GADL1: variants seen among roughly 807,000 people sequenced by gnomAD.
GADL1 encodes acidic amino acid decarboxylase GADL1.
A neutral mutation model predicts 69.5 loss-of-function variants in GADL1; 71 were observed. That is an observed-to-expected ratio of 1.02 (90% CI 0.84 to 1.25). The LOEUF (loss-of-function observed/expected upper bound fraction) is 1.25. Ranked by LOEUF, GADL1 falls within the 50% of genes most tolerant of loss-of-function variation. The pLI, the probability that GADL1 is intolerant of heterozygous loss-of-function variation, is 0.00. For synonymous variants in GADL1, 254 were observed against 214.4 expected (o/e 1.18, Z -1.62); for missense variants, 737 against 631.8 (o/e 1.17, Z -1.79).
chr3:30,748,650 T>C (rs1053436019), intron 14 of GADL1, among the ~76,000 whole-genome samples: 1 of 152,224 alleles, frequency 6.6e-6, no homozygotes, highest in Non-Finnish European at 1.5e-5. Context: ...TGGAACTCAA[T>C]AGCTTTTATC....
intron 12 of GADL1, among the ~76,000 whole-genome samples, chr3:30,792,554 G>A (rs979606680): frequency 5.3e-5 from 8 of 152,144 alleles, no homozygotes; most frequent in African/African-American, 1.9e-4. Flanking sequence ...TCTAGCCTAG[G>A]TGACAGAGCA....
rs867247230 is a variant in GADL1 at position 30,801,009 on chromosome 3, G to A, written c.1130C>T (p.Thr377Ile). The change falls in exon 12 of 15, where the codon ACA (threonine) becomes ATA (isoleucine). Residue 377 changes from threonine (T) to isoleucine (I), a missense_variant. Thr to Ile is a moderately conservative substitution (Grantham distance 89). Transcript: ENST00000282538. ...GCTACACTGGATAGACTTGTCTCCT[G>A]TGTCATAGCTCACATCATAGAATTT... The part of the protein sequence containing the change: ...QDKFYDVSYD[T>I]GDKSIQCSRR... 4.3e-6 allele frequency: 7 copies of A among 1,613,864 alleles called. No individual in the cohort carries two copies. In the Middle Eastern group the frequency reaches 4.9e-4, roughly 114 times the overall value.
intron 1 of GADL1, among the ~76,000 whole-genome samples, chr3:30,892,919 G>A (rs538223801): frequency 2.6e-5 from 4 of 152,226 alleles, no homozygotes; most frequent in Non-Finnish European, 5.9e-5. Flanking sequence ...ACAGTGGCGC[G>A]AATCTTGGCT....
At position 30,767,736 on chromosome 3, in the gene GADL1, TAAA is replaced by T. The variant is rs545258313; in HGVS notation, c.1392+10440_1392+10442del. On this transcript the variant is annotated intron_variant, in intron 14 of 14. Transcript: ENST00000282538. ...GAAAAGATTGACAGATTTGAATACA[TAAA>T]AAATTTAAAACTTGCTGTTTTTTCA... Among the ~76,000 whole-genome samples, 317 of 152,202 alleles carry T rather than the reference TAAA, an allele frequency of 2.1e-3. 1 individual carries two copies. Among genetic ancestry groups the T allele is most frequent in the Admixed American group, 0.013 (201 of 15,292 alleles).
intron 11 of GADL1, among the ~76,000 whole-genome samples, chr3:30,823,490 C>A (rs1384993718): frequency 6.6e-6 from 1 of 151,958 alleles, no homozygotes; most frequent in African/African-American, 2.4e-5. Flanking sequence ...AGCATTGGTC[C>A]TGAACTGCTA....
intron 14 of GADL1, among the ~76,000 whole-genome samples, chr3:30,763,589 C>T (rs1227282224): frequency 1.3e-5 from 2 of 151,840 alleles, no homozygotes; most frequent in East Asian, 3.9e-4. Context: ...GCCAAATCTA[C>T]CTTAAATATG....
intron 2 of GADL1, among the ~76,000 whole-genome samples, chr3:30,857,659 G>A (rs1426413552): frequency 1.3e-5 from 2 of 151,862 alleles, no homozygotes; most frequent in African/African-American, 4.8e-5. Flanking sequence ...CTAAACTTAA[G>A]CCATGGCCAT....
intron 2 of GADL1, among the ~76,000 whole-genome samples, chr3:30,857,484 C>T (rs921887226): frequency 7.9e-5 from 12 of 151,880 alleles, no homozygotes; most frequent in South Asian, 2.1e-4. Flanking sequence ...ATAAAAAATT[C>T]GGATCCTATG....
intron 11 of GADL1, among the ~76,000 whole-genome samples, chr3:30,812,512 T>C (rs548270411): frequency 6.6e-6 from 1 of 152,250 alleles, no homozygotes; most frequent in African/African-American, 2.4e-5. Flanking sequence ...TAAGACCTAC[T>C]CCCTATTATA....
intron 11 of GADL1, among the ~76,000 whole-genome samples, chr3:30,803,238 AAT>A (rs1360180580): frequency 6.6e-6 from 1 of 152,190 alleles, no homozygotes. Flanking sequence ...TTTTATCATC[AAT>A]ATCTCTCCTC....
chr3:30,881,890 T>G (rs140228498), intron 1 of GADL1, among the ~76,000 whole-genome samples: 1 of 151,750 alleles, frequency 6.6e-6, no homozygotes, highest in Non-Finnish European at 1.5e-5. Flanking sequence ...AAGGCAAGAG[T>G]GTAGCCTCCT....
intron 1 of GADL1, among the ~76,000 whole-genome samples, chr3:30,880,011 C>A (rs1244543627): frequency 1.4e-5 from 2 of 144,662 alleles, no homozygotes; most frequent in East Asian, 4.6e-4. Flanking sequence ...CACAGCCAGA[C>A]ACTGCTGGCA....
At chr3:30,777,306 T>C (rs1263954506) in intron 14 of GADL1, among the ~76,000 whole-genome samples, 3 of 152,098 alleles carry the variant, frequency 2.0e-5, no homozygotes, top group African/African-American at 7.2e-5. Flanking sequence ...AAGTCAGAGC[T>C]TTTACTAACC....
intron 12 of GADL1, among the ~76,000 whole-genome samples, chr3:30,790,657 ATATCT>A (rs1337623915): frequency 1.4e-4 from 21 of 152,314 alleles, no homozygotes; most frequent in African/African-American, 4.8e-4. Context: ...AGTAATACTC[ATATCT>A]TATCAAGCAA....
Position 30,857,063 on chromosome 3 carries a change from T to C in GADL1, c.289A>G (p.Lys97Glu). ...EMRDSGEPPHKLLELCRDVIH... is the reference protein window; with the variant it reads ...EMRDSGEPPHELLELCRDVIH... ...ACATCCCGACAGAGTTCCAATAGTT[T>C]ATGGGGTGGCTCGCCTGAGTCTCTC... Residue 97 changes from lysine to glutamate, a missense_variant, in exon 3 of 15, where the codon AAA becomes GAA. Coordinates refer to ENST00000282538, the MANE Select transcript of GADL1 (RefSeq NM_207359.3). 1 of 1,550,076 alleles carries C rather than the reference T, an allele frequency of 6.5e-7. No homozygotes were observed. The highest frequency in any genetic ancestry group is 1.2e-5 in the South Asian group (1 of 84,004).
chr3:30,752,943 C>A (rs533033371), intron 14 of GADL1, among the ~76,000 whole-genome samples: 10 of 125,680 alleles, frequency 8.0e-5, no homozygotes, highest in Non-Finnish European at 1.2e-4. Context: ...AGAACACAAT[C>A]CTCGTTTTTT....
chr3:30,754,550 CAA>C (rs535754456), intron 14 of GADL1, among the ~76,000 whole-genome samples: 108 of 152,000 alleles, frequency 7.1e-4, no homozygotes, highest in African/African-American at 1.8e-3. Context: ...TGACAGATGA[CAA>C]AGAGTGTATT....
chr3:30,741,236 G>A (rs186022114), intron 14 of GADL1, among the ~76,000 whole-genome samples: 25 of 143,278 alleles, frequency 1.7e-4, no homozygotes, highest in African/African-American at 6.6e-4. Flanking sequence ...ACACTGTGGT[G>A]TTATACTTAA....
At position 30,850,027 on chromosome 3, in the gene GADL1, G is replaced by C. The variant is rs145687365; in HGVS notation, c.620C>G (p.Ser207Trp). The part of the protein sequence containing the change: ...PDIKEKGLSG[S>W]PRLILFTSAE... ...AGATGTGAAAAGGATTAATCTTGGC[G>C]AACCAGACAGCCCCTTTTCCTTAAT... Residue 207 changes from serine to tryptophan, a missense_variant, in exon 6 of 15, where the codon TCG (serine) becomes TGG (tryptophan). Ser to Trp is a radical substitution (Grantham distance 177). Transcript: ENST00000282538. 4 of 1,607,512 alleles carry C rather than the reference G, an allele frequency of 2.5e-6. No individual in the cohort carries two copies. In the Admixed American group the frequency reaches 5.0e-5, roughly 20 times the overall value.
Sources: allele counts gnomAD v4.1 joint callset (sites outside exome capture counted in the v4.1 genomes callset), GRCh38; gene constraint gnomAD v4.1.1; transcripts MANE v1.5; gene names NCBI Gene and HGNC (gene_info 2026-07-23, HGNC 2026-07-21).